FAM98A: variants seen among roughly 807,000 people sequenced by gnomAD.
FAM98A encodes tRNA splicing ligase complex subunit 3A, also known as protein FAM98A.
In FAM98A, 25 loss-of-function variants were observed where a neutral mutation model predicts 62.9. That is an observed-to-expected ratio of 0.40 (90% CI 0.29 to 0.56). The LOEUF (loss-of-function observed/expected upper bound fraction) is 0.56. FAM98A is among the 20% of genes least tolerant of loss of function. The probability of loss-of-function intolerance (pLI) is 0.51; values close to 1 mark genes in which losing one functional copy is unlikely to be tolerated. For synonymous variants in FAM98A, 252 were observed against 228.6 expected, an observed-to-expected ratio of 1.10 and a Z score of -0.92; for missense variants, 653 against 640.7, an observed-to-expected ratio of 1.02 and a Z score of -0.21.
intron 3 of FAM98A, chr2:33,591,867 A>T: frequency 2.4e-6 from 1 of 421,862 alleles, no homozygotes; most frequent in South Asian, 4.7e-5. Context: ...AGGCTGAAAT[A>T]TTGAAAGAGT....
In FAM98A at chr2:33,598,803, C is replaced by T. The variant is rs191408352; in HGVS notation, c.53+366G>A. Among the ~76,000 whole-genome samples the T allele has an allele frequency of 5.3e-5, 8 of 152,172 alleles. No homozygotes were observed. In the East Asian group the frequency reaches 1.5e-3, roughly 29 times the overall value. ...AGAACAAGTAGGAAAGCAGAATCAA[C>T]TTTGGCAACCTTTAGAGTTGAGGGG... On this transcript the variant is annotated intron_variant, in intron 1 of 7. Coordinates refer to ENST00000238823, the MANE Select transcript of FAM98A (RefSeq NM_015475.5).
In FAM98A at chr2:33,599,206, T is replaced by C. The variant is rs780227939; in HGVS notation, c.16A>G (p.Met6Val). 5 of 1,613,868 alleles carry C rather than the reference T, an allele frequency of 3.1e-6. No individual in the cohort carries two copies. The highest frequency in any genetic ancestry group is 4.2e-6 in the Non-Finnish European group (5 of 1,179,844). ...AACGACTCCAAGATGTCAGTCTCCA[T>C]GAGGTCACACTCCATGCTACTGTGG... MECDL[M>V]ETDILESLED... Residue 6 changes from methionine (M) to valine (V), a missense_variant, in exon 1 of 8, where the codon ATG (methionine) becomes GTG (valine). By Grantham distance (21) the Met-to-Val change is conservative (BLOSUM62 1). Transcript: ENST00000238823.
intron 2 of FAM98A, among the ~76,000 whole-genome samples, chr2:33,594,535 TAAAAAAAAAA>T (rs1160445620): frequency 2.9e-5 from 1 of 34,308 alleles, no homozygotes; most frequent in Non-Finnish European, 4.6e-5. Flanking sequence ...AACATAAAGT[TAAAAAAAAAA>T]AAAAAAAAAA....
chr2:33,584,971 A>G lies in FAM98A; in HGVS notation c.1362T>C (p.His454=). 6.2e-7 allele frequency: 1 copy of G among 1,613,680 alleles called. No individual in the cohort carries two copies. Among genetic ancestry groups the G allele is most frequent in the Non-Finnish European group, 8.5e-7 (1 of 1,179,906 alleles). Residue 454 remains histidine (H), a synonymous_variant, in exon 8 of 8, where the codon CAT becomes CAC. Coordinates refer to ENST00000238823, the MANE Select transcript of FAM98A (RefSeq NM_015475.5). ...CACCACGACCACCACCACGATCACC[A>G]TGGTGCCCGCCATCTTGGTATCTAT... ...QDNRYQDGGH[H]GDRGGGRGGR...
chr2:33,587,292 G>C lies in FAM98A; in HGVS notation c.551C>G (p.Pro184Arg), dbSNP rs1558547810. The change falls in exon 5 of 8, where the codon CCT (proline) becomes CGT (arginine). Residue 184 changes from proline (P) to arginine (R), a missense_variant. Physicochemically the swap from Pro to Arg is moderately radical, Grantham distance 103. Transcript: ENST00000238823. ...KLKETLAKVPPNHVGKPLLKK... is the reference protein window; with the variant it reads ...KLKETLAKVPRNHVGKPLLKK... ...CAGTAAAGGCTTTCCCACATGATTA[G>C]GTGGAACTTTTGCTAATGTTTCCTT... 3 of 1,613,364 alleles carry C rather than the reference G, an allele frequency of 1.9e-6. No homozygotes were observed. Among genetic ancestry groups the C allele is most frequent in the African/African-American group, 1.3e-5 (1 of 75,016 alleles).
chr2:33,599,265 T>G lies in FAM98A; in HGVS notation c.-44A>C. 2 of 1,549,364 alleles carry G rather than the reference T, an allele frequency of 1.3e-6. No homozygotes were observed. The highest frequency in any genetic ancestry group is 1.8e-6 in the Non-Finnish European group (2 of 1,120,944). On this transcript the variant is annotated 5_prime_UTR_variant, in exon 1 of 8. Transcript: ENST00000238823. ...TTTCCGAGTCGTCAGGCTCCCCTCT[T>G]CGCCGGCAACGCGTACACTCGCGCA...
At chr2:33,587,671 C>T (rs1455210009) in intron 4 of FAM98A, 4 of 238,472 alleles carry the variant, frequency 1.7e-5, no homozygotes, top group Non-Finnish European at 2.5e-5. Flanking sequence ...CTGGTCTACC[C>T]CACAATGCAA....
At position 33,598,777 on chromosome 2, in the gene FAM98A, G is replaced by C. The variant is rs145679341; in HGVS notation, c.53+392C>G. Among the ~76,000 whole-genome samples, 295 of 152,304 alleles carry C rather than the reference G, an allele frequency of 1.9e-3. 3 individuals carry two copies. The highest frequency in any genetic ancestry group is 6.7e-3 in the African/African-American group (279 of 41,546). ...GCTCAAGATGGGAGTAGGAAATTTG[G>C]AGAACAAGTAGGAAAGCAGAATCAA... is the stretch of plus-strand genomic sequence containing the variant. On this transcript the variant is annotated intron_variant, in intron 1 of 7. Transcript: ENST00000238823.
intron 1 of FAM98A, 58 bp from the exon 2 acceptor site, chr2:33,595,695 G>A: frequency 7.9e-7 from 1 of 1,258,372 alleles, no homozygotes; most frequent in Non-Finnish European, 1.1e-6. Context: ...ATATATTACA[G>A]ATAAAACATA....
rs1302875114 is a variant in FAM98A, at chr2:33,585,690, G to T, written c.728C>A (p.Thr243Lys). The T allele has an allele frequency of 4.3e-6, 7 of 1,611,348 alleles. No individual in the cohort carries two copies. The highest frequency in any genetic ancestry group is 1.7e-5 in the Admixed American group (1 of 59,546). ...CTGGTAAACCTTGGCTAATTTTTCT[G>T]TCTGGCTCTGTTGAAAGAAAAGTGT... The part of the protein sequence containing the change: ...FGWSDRAKSQ[T>K]EKLAKVYQPK... Residue 243 changes from threonine to lysine, a missense_variant, in exon 7 of 8, where the codon ACA becomes AAA. Transcript: ENST00000238823.
In FAM98A at chr2:33,584,537, C is replaced by A; in HGVS notation, c.*239G>T. The A allele has an allele frequency of 2.2e-6, 1 of 457,476 alleles. No individual in the cohort carries two copies. The highest frequency in any genetic ancestry group is 3.2e-5 in the East Asian group (1 of 31,586). The allele number at this position is 457,476 out of a possible 1,614,324, so 28.3% of individuals were successfully genotyped here. A position where few individuals can be genotyped will look rare whatever the true frequency, so the allele number is the denominator to read the frequency against. ...GGGCAATTAAAGGCAATTTTAACCA[C>A]CTTTTAAAAAATTTTTCATAGAAAG... On this transcript the variant is annotated 3_prime_UTR_variant, in exon 8 of 8. Coordinates refer to ENST00000238823, the MANE Select transcript of FAM98A (RefSeq NM_015475.5).
intron 2 of FAM98A, among the ~76,000 whole-genome samples, chr2:33,594,894 G>C (rs975202860): frequency 3.3e-5 from 5 of 152,294 alleles, no homozygotes; most frequent in African/African-American, 1.2e-4. Context: ...TAGGTTCCAA[G>C]CTTTTGCCTC....
chr2:33,585,750 G>C, intron 6 of FAM98A, 53 bp from the exon 7 acceptor site: 2 of 1,498,504 alleles, frequency 1.3e-6, no homozygotes, highest in Admixed American at 1.9e-5. Flanking sequence ...AATGACATAA[G>C]AAACACATAT....
chr2:33,585,707 G>C lies in FAM98A; in HGVS notation c.721-10C>G. ...ATTTTTCTGTCTGGCTCTGTTGAAAGAAAAGTGTTCAAAGAGAAATGTCAA... is the reference window on the plus strand; with the variant it reads ...ATTTTTCTGTCTGGCTCTGTTGAAACAAAAGTGTTCAAAGAGAAATGTCAA... On this transcript the variant is annotated splice_polypyrimidine_tract_variant and intron_variant, in intron 6 of 7. Transcript: ENST00000238823. 3 of 1,604,094 alleles carry C rather than the reference G, an allele frequency of 1.9e-6. No homozygotes were observed. The highest frequency in any genetic ancestry group is 1.1e-5 in the South Asian group (1 of 89,074).
At chr2:33,587,387 CCAT>C in intron 4 of FAM98A, 67 bp from the exon 5 acceptor site, 2 of 1,156,760 alleles carry the variant, frequency 1.7e-6, no homozygotes, top group Non-Finnish European at 2.6e-6. Flanking sequence ...TTCCCAATTC[CCAT>C]CATATCTTGC....
rs529170918 is a variant in FAM98A at position 33,584,633 on chromosome 2, T to A, written c.*143A>T. On this transcript the variant is annotated 3_prime_UTR_variant, in exon 8 of 8. Transcript: ENST00000238823. Reference sequence around the variant, plus strand: ...AATAAAAAAATCTAACAGAATTGAATGAAGACCTACAAATGCTTATGCCAA... The same window carrying A: ...AATAAAAAAATCTAACAGAATTGAAAGAAGACCTACAAATGCTTATGCCAA... 202 of 701,966 alleles carry A rather than the reference T, an allele frequency of 2.9e-4. 2 individuals are homozygous for A. The East Asian group carries it at 5.0e-3, about 17-fold the overall frequency. The allele number at this position is 701,966 out of a possible 1,614,324, so 43.5% of individuals were successfully genotyped here.
At chr2:33,597,296 C>T (rs537960249) in intron 1 of FAM98A, among the ~76,000 whole-genome samples, 2 of 152,178 alleles carry the variant, frequency 1.3e-5, no homozygotes, top group Admixed American at 6.5e-5. Context: ...GAGTTCGAGA[C>T]CAGCCTGGTC....
intron 4 of FAM98A, among the ~76,000 whole-genome samples, chr2:33,587,797 T>C (rs554435146): frequency 2.0e-5 from 3 of 151,942 alleles, no homozygotes; most frequent in Admixed American, 6.6e-5. Flanking sequence ...ATTAATTATA[T>C]AGAAAATCTT....
In FAM98A at chr2:33,599,195, G is replaced by A; in HGVS notation, c.27C>T (p.Asp9=). 5 of 1,613,984 alleles carry A rather than the reference G, an allele frequency of 3.1e-6. 1 individual carries two copies. In the South Asian group the frequency reaches 3.3e-5, roughly 11 times the overall value. Reference sequence around the variant, plus strand: ...CTAGATCTTCCAACGACTCCAAGATGTCAGTCTCCATGAGGTCACACTCCA... The same window carrying A: ...CTAGATCTTCCAACGACTCCAAGATATCAGTCTCCATGAGGTCACACTCCA... The part of the protein sequence containing the change: MECDLMET[D]ILESLEDLGY... Residue 9 remains aspartate (D), a synonymous_variant, in exon 1 of 8, where the codon GAC becomes GAT. Coordinates refer to ENST00000238823, the MANE Select transcript of FAM98A (RefSeq NM_015475.5).
Sources: allele counts gnomAD v4.1 joint callset (sites outside exome capture counted in the v4.1 genomes callset), GRCh38; gene constraint gnomAD v4.1.1; transcripts MANE v1.5; gene names NCBI Gene and HGNC (gene_info 2026-07-23, HGNC 2026-07-21).